CEP85L: variants seen among roughly 807,000 people sequenced by gnomAD.
CEP85L encodes centrosomal protein 85L, also known as centrosomal protein of 85 kDa-like.
Under a neutral mutation model 100.3 loss-of-function variants are expected in CEP85L, and 60 were observed. That is an observed-to-expected ratio of 0.60 (90% confidence interval 0.49 to 0.74). The LOEUF is 0.74. Among genes scored for constraint, CEP85L ranks in the 30% least tolerant of loss-of-function variants. The pLI is 0.00. For synonymous variants in CEP85L, 319 were observed against 322.7 expected, an observed-to-expected ratio of 0.99 and a Z score of 0.12; for missense variants, 973 against 936.2, an observed-to-expected ratio of 1.04 and a Z score of -0.51.
At chr6:118,569,989 AAAG>A (rs1159257600) in intron 2 of CEP85L, among the ~76,000 whole-genome samples, 1 of 152,314 alleles carries the variant, frequency 6.6e-6, no homozygotes, top group East Asian at 1.9e-4. Context: ...ATAGTCTTTG[AAAG>A]AAGGGAGGCA....
rs57663206 is a variant in CEP85L at position 118,614,865 on chromosome 6, CAGATAGATAGAT to C, written c.232+17576_232+17587del. Among the ~76,000 whole-genome samples, 1,205 of 149,960 alleles carry C rather than the reference CAGATAGATAGAT, an allele frequency of 8.0e-3. 20 individuals carry two copies. Among genetic ancestry groups the C allele is most frequent in the African/African-American group, 0.028 (1,141 of 40,680 alleles). On this transcript the variant is annotated intron_variant, in intron 2 of 12. Coordinates refer to ENST00000368491, the MANE Select transcript of CEP85L (RefSeq NM_001042475.3). ...ATTCATTCATAGACAGACAGACAGA[CAGATAGATAGAT>C]AGATAGATAGATAGATAGATAGATA...
chr6:118,657,942 A>G (rs1197675233), intron 1 of CEP85L, among the ~76,000 whole-genome samples: 3 of 152,214 alleles, frequency 2.0e-5, no homozygotes, highest in African/African-American at 7.2e-5. Context: ...AGAGAATTCA[A>G]TTCAATATAC....
intron 2 of CEP85L, among the ~76,000 whole-genome samples, chr6:118,614,911 T>TAGA: frequency 7.1e-6 from 1 of 139,904 alleles, no homozygotes; most frequent in East Asian, 2.1e-4. Flanking sequence ...TAGATAGATT[T>TAGA]TTTTAAAAGC....
At chr6:118,632,296 G>A (rs980815438) in intron 2 of CEP85L, among the ~76,000 whole-genome samples, 157 bp downstream of exon 2, 4 of 152,080 alleles carry the variant, frequency 2.6e-5, no homozygotes, top group Admixed American at 6.5e-5. Flanking sequence ...GTCGATTAGA[G>A]GGACAATTTT....
intron 5 of CEP85L, among the ~76,000 whole-genome samples, chr6:118,498,337 A>G (rs1171440394): frequency 1.3e-5 from 2 of 151,798 alleles, no homozygotes; most frequent in Non-Finnish European, 2.9e-5. Flanking sequence ...TCTACAAAAA[A>G]TAAAAATAAA....
chr6:118,671,720 T>C (rs1354226904), intron 1 of CEP85L, among the ~76,000 whole-genome samples: 3 of 152,114 alleles, frequency 2.0e-5, no homozygotes, highest in Non-Finnish European at 4.4e-5. Context: ...GGTGGATCAC[T>C]TGAGGTCAGG....
intron 2 of CEP85L, among the ~76,000 whole-genome samples, chr6:118,613,615 G>A (rs181601218): frequency 7.2e-5 from 11 of 151,938 alleles, no homozygotes; most frequent in South Asian, 2.1e-4. Context: ...AGATTAGCCC[G>A]GCGTGGTGGC....
chr6:118,675,410 A>G (rs1409547898), intron 1 of CEP85L, among the ~76,000 whole-genome samples: 1 of 152,082 alleles, frequency 6.6e-6, no homozygotes, highest in Non-Finnish European at 1.5e-5. Context: ...TTCTGAAATT[A>G]GATAATGTTG....
intron 1 of CEP85L, among the ~76,000 whole-genome samples, chr6:118,647,505 G>A (rs1341611961): frequency 6.6e-6 from 1 of 152,124 alleles, no homozygotes; most frequent in Non-Finnish European, 1.5e-5. Flanking sequence ...GGGATTACAG[G>A]CGCACGCCAC....
intron 2 of CEP85L, among the ~76,000 whole-genome samples, chr6:118,603,880 T>A (rs1562300966): frequency 6.6e-6 from 1 of 152,260 alleles, no homozygotes; most frequent in African/African-American, 2.4e-5. Context: ...TGTCTGTGGA[T>A]AGTAAAAAGT....
At position 118,707,190 on chromosome 6, in the gene CEP85L, C is replaced by CTT. The variant is rs5879468; in HGVS notation, c.-28+2844_-28+2845dup. ...TCCTTCTCATATTCCTCCTCATCTG[C>CTT]TTTTTTTTTTTTTTTCTTTTTTGAG... is the stretch of plus-strand genomic sequence containing the variant. On this transcript the variant is annotated intron_variant, in intron 1 of 13. Transcript: ENST00000368488. Among the ~76,000 whole-genome samples, 943 of 135,630 alleles carry CTT rather than the reference C, an allele frequency of 7.0e-3. 13 individuals carry two copies. The highest frequency in any genetic ancestry group is 0.018 in the African/African-American group (638 of 36,282). 89.0% of individuals were successfully genotyped at this position (135,630 alleles called of 152,430 possible).
intron 3 of CEP85L, among the ~76,000 whole-genome samples, chr6:118,529,718 TATGATGCC>T (rs1347261031): frequency 4.0e-5 from 6 of 151,836 alleles, no homozygotes; most frequent in Non-Finnish European, 5.9e-5. Context: ...TCCCTCTGAC[TATGATGCC>T]ATAGCAACTT....
intron 6 of CEP85L, among the ~76,000 whole-genome samples, chr6:118,488,341 G>A (rs1301362773): frequency 6.6e-6 from 1 of 151,842 alleles, no homozygotes; most frequent in Admixed American, 6.6e-5. Context: ...AACAGAGATA[G>A]GAAATACTTT....
intron 1 of CEP85L, among the ~76,000 whole-genome samples, chr6:118,689,920 T>C (rs1776978405): frequency 6.6e-6 from 1 of 151,378 alleles, no homozygotes; most frequent in South Asian, 2.1e-4. Context: ...TGCCTGCTTT[T>C]TTTTTTTTTT....
At chr6:118,545,091 A>T (rs1778118694) in intron 3 of CEP85L, among the ~76,000 whole-genome samples, 1 of 152,184 alleles carries the variant, frequency 6.6e-6, no homozygotes, top group African/African-American at 2.4e-5. Context: ...ACAAAAATTG[A>T]TTCAAAGCTT....
chr6:118,605,905 T>C (rs1460506864), intron 2 of CEP85L, among the ~76,000 whole-genome samples: 1 of 151,706 alleles, frequency 6.6e-6, no homozygotes, highest in Non-Finnish European at 1.5e-5. Flanking sequence ...TCCCAGCTAC[T>C]TGGGAGGCTG....
chr6:118,507,978 T>C (rs1481476993), intron 5 of CEP85L, among the ~76,000 whole-genome samples: 2 of 152,220 alleles, frequency 1.3e-5, no homozygotes, highest in African/African-American at 2.4e-5. Context: ...CACATTTCTA[T>C]TGCTACAGCA....
At chr6:118,696,934 G>C (rs919408224) in intron 1 of CEP85L, among the ~76,000 whole-genome samples, 13 of 152,216 alleles carry the variant, frequency 8.5e-5, no homozygotes, top group Admixed American at 7.2e-4. Context: ...AGAAGACTAA[G>C]GTACTTCAGG....
At position 118,630,886 on chromosome 6, in the gene CEP85L, A is replaced by G. The variant is rs541491707; in HGVS notation, c.232+1567T>C. 1.2e-4 allele frequency among the ~76,000 whole-genome samples: 18 copies of G among 152,330 alleles called. No homozygotes were observed. The East Asian group carries it at 3.3e-3, about 28-fold the overall frequency. ...TCATAGAAGCACAAACCCACTGCAC[A>G]TGCAAGGGATATAGGTTGTGCGCTC... is the stretch of plus-strand genomic sequence containing the variant. On this transcript the variant is annotated intron_variant, in intron 2 of 12. Transcript: ENST00000368491.
Sources: allele counts gnomAD v4.1 joint callset (sites outside exome capture counted in the v4.1 genomes callset), GRCh38; gene constraint gnomAD v4.1.1; transcripts MANE v1.5; gene names NCBI Gene and HGNC (gene_info 2026-07-23, HGNC 2026-07-21).